Variants in ADAMTS6 observed in about 807,000 individuals in gnomAD.
The protein encoded by ADAMTS6 is ADAM metallopeptidase with thrombospondin type 1 motif 6.
Under a neutral mutation model 144.3 loss-of-function variants are expected in ADAMTS6, and 23 were observed. The observed-to-expected ratio is 0.16, with a 90% CI of 0.11 to 0.23. The LOEUF is 0.23. ADAMTS6 is among the 10% of genes least tolerant of loss of function. The probability of loss-of-function intolerance (pLI) is 1.00; values close to 1 mark genes in which losing one functional copy is unlikely to be tolerated. For synonymous variants in ADAMTS6, 444 were observed against 457.5 expected (o/e 0.97, Z 0.38); for missense variants, 999 against 1,379.6 (o/e 0.72, Z 4.37).
intron 7 of ADAMTS6, among the ~76,000 whole-genome samples, chr5:65,348,881 C>T (rs1365580372): frequency 6.6e-6 from 1 of 151,920 alleles, no homozygotes; most frequent in Non-Finnish European, 1.5e-5. Flanking sequence ...ATACTTGATA[C>T]CAGCATATAA....
intron 24 of ADAMTS6, among the ~76,000 whole-genome samples, chr5:65,164,460 G>A (rs1475405850): frequency 1.2e-4 from 17 of 139,094 alleles, no homozygotes; most frequent in Admixed American, 2.9e-4. Context: ...GGGGAGGGGC[G>A]CCCGCCATTG....
At chr5:65,378,410 T>A (rs1198201257) in intron 7 of ADAMTS6, among the ~76,000 whole-genome samples, 1 of 152,200 alleles carries the variant, frequency 6.6e-6, no homozygotes, top group East Asian at 1.9e-4. Flanking sequence ...GTTTAGTCCT[T>A]TGAGTTTCAT....
chr5:65,302,200 ATAT>A (rs946748222), intron 9 of ADAMTS6, among the ~76,000 whole-genome samples: 7 of 143,588 alleles, frequency 4.9e-5, no homozygotes, highest in East Asian at 3.9e-4. Context: ...TATTTATATG[ATAT>A]TATACATATA....
intron 20 of ADAMTS6, chr5:65,198,771 G>A (rs1252591759): frequency 1.2e-5 from 2 of 163,748 alleles, no homozygotes; most frequent in African/African-American, 4.8e-5. Context: ...AGTATGTATT[G>A]TATTCCTTCC....
intron 7 of ADAMTS6, among the ~76,000 whole-genome samples, chr5:65,400,343 T>G (rs1352034285): frequency 6.6e-6 from 1 of 152,128 alleles, no homozygotes; most frequent in African/African-American, 2.4e-5. Flanking sequence ...CCTGAATAGC[T>G]GGGACTATAG....
intron 22 of ADAMTS6, among the ~76,000 whole-genome samples, chr5:65,181,977 C>T (rs1754381785): frequency 6.6e-6 from 1 of 152,156 alleles, no homozygotes; most frequent in South Asian, 2.1e-4. Context: ...TGGCAAGAAG[C>T]TTCTGTTATT....
At chr5:65,254,112 T>A (rs1308630668) in intron 14 of ADAMTS6, among the ~76,000 whole-genome samples, 1 of 152,122 alleles carries the variant, frequency 6.6e-6, no homozygotes, top group Non-Finnish European at 1.5e-5. Context: ...CCCAAAGTGC[T>A]GGGATTACAG....
chr5:65,405,237 T>C (rs1306782988), intron 7 of ADAMTS6, among the ~76,000 whole-genome samples: 2 of 152,250 alleles, frequency 1.3e-5, no homozygotes, highest in African/African-American at 4.8e-5. Context: ...ATATCCTGAA[T>C]GGTACTGCCT....
rs901558563 is a variant in ADAMTS6, at chr5:65,481,861, C to G, written c.-798G>C. 1 of 152,414 alleles carries G rather than the reference C, an allele frequency of 6.6e-6. No homozygotes were observed. Among genetic ancestry groups the G allele is most frequent in the African/African-American group, 2.4e-5 (1 of 41,458 alleles). 9.4% of individuals were successfully genotyped at this position (152,414 alleles called of 1,614,324 possible). A position where few individuals can be genotyped will look rare whatever the true frequency, so the allele number is the denominator to read the frequency against. ...CCTAGATCTCACTACCGGCCCCCAG[C>G]CAACTTGAATTGCAGCAGGAGAAAA... On this transcript the variant is annotated 5_prime_UTR_variant, in exon 1 of 25. Coordinates refer to ENST00000381055, the MANE Select transcript of ADAMTS6 (RefSeq NM_197941.4).
chr5:65,347,025 T>C (rs1488384293), intron 7 of ADAMTS6, among the ~76,000 whole-genome samples: 1 of 150,344 alleles, frequency 6.7e-6, no homozygotes, highest in East Asian at 1.9e-4. Context: ...CTATACGACA[T>C]TGATTAAAAA....
intron 7 of ADAMTS6, among the ~76,000 whole-genome samples, chr5:65,412,517 A>C (rs1184979902): frequency 6.6e-6 from 1 of 152,140 alleles, no homozygotes; most frequent in Non-Finnish European, 1.5e-5. Context: ...CTAAAGCAGT[A>C]ATCGTATTAC....
chr5:65,396,772 G>A lies in ADAMTS6; in HGVS notation c.1073+54703C>T, dbSNP rs1479718748. 2.0e-5 allele frequency among the ~76,000 whole-genome samples: 3 copies of A among 152,310 alleles called. 1 individual carries two copies. Among genetic ancestry groups the A allele is most frequent in the Admixed American group, 6.5e-5 (1 of 15,302 alleles). ...TTTTGTTAAGAATGTTTGCATCTATGCTCATAAGAGATATTGGTCTGCATA... is the reference window on the plus strand; with the variant it reads ...TTTTGTTAAGAATGTTTGCATCTATACTCATAAGAGATATTGGTCTGCATA... On this transcript the variant is annotated intron_variant, in intron 7 of 24. Transcript: ENST00000381055.
At chr5:65,330,051 G>A (rs1301485345) in intron 8 of ADAMTS6, among the ~76,000 whole-genome samples, 1 of 152,078 alleles carries the variant, frequency 6.6e-6, no homozygotes, top group Non-Finnish European at 1.5e-5. Flanking sequence ...AATCCTGACA[G>A]TGATGCAACA....
intron 4 of ADAMTS6, among the ~76,000 whole-genome samples, chr5:65,458,025 T>C (rs1202445224): frequency 1.3e-5 from 2 of 152,116 alleles, no homozygotes; most frequent in African/African-American, 4.8e-5. Flanking sequence ...GTGCCCGGCC[T>C]GAATCCTAGT....
intron 11 of ADAMTS6, among the ~76,000 whole-genome samples, chr5:65,274,511 C>A (rs1002010337): frequency 6.6e-6 from 1 of 152,098 alleles, no homozygotes; most frequent in South Asian, 2.1e-4. Flanking sequence ...ACTCACATTA[C>A]AAACACAATC....
intron 14 of ADAMTS6, among the ~76,000 whole-genome samples, chr5:65,256,985 C>CTTTTT (rs545846781): frequency 5.1e-4 from 45 of 88,668 alleles, no homozygotes; most frequent in African/African-American, 9.2e-4. Context: ...CTCTCTCTCT[C>CTTTTT]TTTTTTTTTT....
At chr5:65,477,695 C>G (rs1760933394) in intron 1 of ADAMTS6, among the ~76,000 whole-genome samples, 1 of 151,822 alleles carries the variant, frequency 6.6e-6, no homozygotes, top group African/African-American at 2.4e-5. Context: ...GTCTTAGTTC[C>G]AACACTAGTT....
At chr5:65,168,233 A>T (rs1242705073) in intron 24 of ADAMTS6, among the ~76,000 whole-genome samples, 1 of 149,182 alleles carries the variant, frequency 6.7e-6, no homozygotes, top group African/African-American at 2.5e-5. Context: ...ATTCCTATAC[A>T]CCAACAACAG....
intron 14 of ADAMTS6, among the ~76,000 whole-genome samples, chr5:65,248,039 CA>C (rs1265492313): frequency 3.9e-5 from 6 of 152,128 alleles, no homozygotes; most frequent in Non-Finnish European, 2.9e-5. Flanking sequence ...TTTATGTGTT[CA>C]CCCAGATGGG....
Sources: allele counts gnomAD v4.1 joint callset (sites outside exome capture counted in the v4.1 genomes callset), GRCh38; gene constraint gnomAD v4.1.1; transcripts MANE v1.5; gene names NCBI Gene and HGNC (gene_info 2026-07-23, HGNC 2026-07-21).